PRKCE: variants seen among roughly 807,000 people sequenced by gnomAD.
The protein encoded by PRKCE is protein kinase C epsilon.
Under a neutral mutation model 85.4 loss-of-function variants are expected in PRKCE, and 16 were observed. The observed-to-expected ratio is 0.19, with a 90% CI of 0.13 to 0.28. The LOEUF is 0.28. PRKCE is among the 10% of genes least tolerant of loss of function. The pLI is 1.00. For synonymous variants in PRKCE, 388 were observed against 371.5 expected (o/e 1.04, Z -0.51); for missense variants, 573 against 975.2 (o/e 0.59, Z 5.49).
chr2:45,690,928 C>T (rs1677678119), intron 1 of PRKCE, among the ~76,000 whole-genome samples: 1 of 152,234 alleles, frequency 6.6e-6, no homozygotes, highest in Admixed American at 6.5e-5. Context: ...CTTAGGGTGC[C>T]AGCAAAGTCA....
intron 2 of PRKCE, among the ~76,000 whole-genome samples, chr2:45,915,860 A>G (rs369708753): frequency 6.6e-6 from 1 of 152,214 alleles, no homozygotes; most frequent in Non-Finnish European, 1.5e-5. Flanking sequence ...CTGTCCCACA[A>G]GTGATACACA....
At chr2:45,719,600 T>C (rs1190355155) in intron 1 of PRKCE, among the ~76,000 whole-genome samples, 1 of 152,208 alleles carries the variant, frequency 6.6e-6, no homozygotes, top group African/African-American at 2.4e-5. Flanking sequence ...TTTTATCTAA[T>C]ATGTATTTTG....
At chr2:45,983,980 C>G (rs1703107019) in intron 5 of PRKCE, among the ~76,000 whole-genome samples, 1 of 150,852 alleles carries the variant, frequency 6.6e-6, no homozygotes, top group Admixed American at 6.6e-5. Flanking sequence ...CTCTGTCACC[C>G]AGGCTAGGGT....
chr2:46,095,895 C>G (rs1320608669), intron 11 of PRKCE, among the ~76,000 whole-genome samples: 1 of 152,222 alleles, frequency 6.6e-6, no homozygotes, highest in East Asian at 1.9e-4. Flanking sequence ...CTTTGTGTAG[C>G]CAGACACTAT....
intron 14 of PRKCE, among the ~76,000 whole-genome samples, chr2:46,174,556 G>C (rs1034639781): frequency 6.6e-6 from 1 of 152,210 alleles, no homozygotes; most frequent in African/African-American, 2.4e-5. Flanking sequence ...ATCAGCTGGT[G>C]AGGCATGCAG....
intron 11 of PRKCE, among the ~76,000 whole-genome samples, chr2:46,115,156 T>C (rs1672648421): frequency 6.6e-6 from 1 of 152,148 alleles, no homozygotes; most frequent in Non-Finnish European, 1.5e-5. Flanking sequence ...CTCTTTGGAT[T>C]AAGGTGGCAG....
At chr2:45,734,365 G>GAAA (rs1192372839) in intron 1 of PRKCE, among the ~76,000 whole-genome samples, 1 of 124,334 alleles carries the variant, frequency 8.0e-6, no homozygotes. Flanking sequence ...CTCCATCTCA[G>GAAA]AAAAAAAAAA....
At chr2:45,678,716 C>G (rs933094421) in intron 1 of PRKCE, among the ~76,000 whole-genome samples, 1 of 151,518 alleles carries the variant, frequency 6.6e-6, no homozygotes, top group African/African-American at 2.4e-5. Flanking sequence ...TTTCTCTGAG[C>G]TTTAGCTCAG....
intron 11 of PRKCE, among the ~76,000 whole-genome samples, chr2:46,088,126 G>C (rs755051063): frequency 6.6e-6 from 1 of 152,118 alleles, no homozygotes; most frequent in Non-Finnish European, 1.5e-5. Context: ...TAAGTCACAG[G>C]CTCCACCTTA....
At position 45,817,567 on chromosome 2, in the gene PRKCE, G is replaced by T. The variant is rs552513687; in HGVS notation, c.349-25433G>T. Among the ~76,000 whole-genome samples, 255 of 152,162 alleles carry T rather than the reference G, an allele frequency of 1.7e-3. 2 individuals carry two copies. Among genetic ancestry groups the T allele is most frequent in the African/African-American group, 5.8e-3 (241 of 41,512 alleles). On this transcript the variant is annotated intron_variant, in intron 1 of 14. Coordinates refer to ENST00000306156, the MANE Select transcript of PRKCE (RefSeq NM_005400.3). Reference sequence around the variant, plus strand: ...AAATCAGCCGGGCATGGTGGTGGGCGCCTGTAGTCCCAGCTACTCAGGAGG... The same window carrying T: ...AAATCAGCCGGGCATGGTGGTGGGCTCCTGTAGTCCCAGCTACTCAGGAGG...
At chr2:45,845,954 A>G (rs1691754144) in intron 2 of PRKCE, among the ~76,000 whole-genome samples, 1 of 152,214 alleles carries the variant, frequency 6.6e-6, no homozygotes, top group Non-Finnish European at 1.5e-5. Context: ...TATGTACAGA[A>G]AAAAGGAGTT....
At chr2:45,944,890 A>G (rs1700140658) in intron 2 of PRKCE, among the ~76,000 whole-genome samples, 1 of 151,722 alleles carries the variant, frequency 6.6e-6, no homozygotes, top group African/African-American at 2.4e-5. Flanking sequence ...TCCCTTTGAA[A>G]CCATTTTGCA....
At chr2:45,920,429 A>G (rs1225493236) in intron 2 of PRKCE, among the ~76,000 whole-genome samples, 1 of 152,238 alleles carries the variant, frequency 6.6e-6, no homozygotes, top group Non-Finnish European at 1.5e-5. Flanking sequence ...TCCCAATAGG[A>G]ATGAAAACAC....
chr2:46,172,330 T>C (rs1478028524), intron 14 of PRKCE, among the ~76,000 whole-genome samples: 1 of 152,236 alleles, frequency 6.6e-6, no homozygotes, highest in African/African-American at 2.4e-5. Context: ...GGATGTCATC[T>C]GGGGCCAGTG....
chr2:45,798,195 TA>T (rs1687588947), intron 1 of PRKCE, among the ~76,000 whole-genome samples: 1 of 152,162 alleles, frequency 6.6e-6, no homozygotes, highest in African/African-American at 2.4e-5. Context: ...TGGATTAGGC[TA>T]AACCAGATTG....
intron 1 of PRKCE, among the ~76,000 whole-genome samples, chr2:45,662,055 T>C (rs960569941): frequency 4.6e-5 from 7 of 152,212 alleles, no homozygotes; most frequent in Non-Finnish European, 1.0e-4. Flanking sequence ...ATCTGTCTTG[T>C]AGAAGCTCAA....
intron 14 of PRKCE, among the ~76,000 whole-genome samples, chr2:46,163,732 T>C (rs112319886): frequency 0.081 from 7,167 of 88,938 alleles, 400 homozygotes; most frequent in Middle Eastern, 0.12. Flanking sequence ...CTGAGAGACA[T>C]GGGGAAGCTG....
At chr2:46,055,054 T>G (rs1326397378) in intron 10 of PRKCE, among the ~76,000 whole-genome samples, 1 of 152,182 alleles carries the variant, frequency 6.6e-6, no homozygotes, top group Non-Finnish European at 1.5e-5. Flanking sequence ...CTCTAATTCG[T>G]TCGTGATCAC....
chr2:45,985,302 C>T (rs1012036649), intron 6 of PRKCE, among the ~76,000 whole-genome samples: 1 of 152,160 alleles, frequency 6.6e-6, no homozygotes, highest in African/African-American at 2.4e-5. Context: ...TGCCGTGCCA[C>T]CCGCAAACAG....
Sources: allele counts gnomAD v4.1 joint callset (sites outside exome capture counted in the v4.1 genomes callset), GRCh38; gene constraint gnomAD v4.1.1; transcripts MANE v1.5; gene names NCBI Gene and HGNC (gene_info 2026-07-23, HGNC 2026-07-21).